ZHX2: variants seen among roughly 807,000 people sequenced by gnomAD.
ZHX2 encodes the protein zinc fingers and homeoboxes protein 2.
In ZHX2, 6 loss-of-function variants were observed where a neutral mutation model predicts 21.9. The ratio of observed to expected loss-of-function variants is 0.27; its 90% CI spans 0.15 to 0.54. The LOEUF (loss-of-function observed/expected upper bound fraction) is 0.54. ZHX2 is among the 20% of genes least tolerant of loss of function. The pLI, the probability that ZHX2 is intolerant of heterozygous loss-of-function variation, is 0.95. For missense variants in ZHX2, 908 were observed against 1,090.7 expected (o/e 0.83, Z 2.36); for synonymous variants, 434 against 437.1 (o/e 0.99, Z 0.09).
rs1200511614 is a variant in ZHX2, at chr8:122,852,887, T to C, written c.-282-10590T>C. ...AGCCCCGGGTGCATGTGTCCCCTCA[T>C]TCACTCTGTGTGGGCAAAGGAAAAT... On this transcript the variant is annotated intron_variant, in intron 1 of 3. Coordinates refer to ENST00000314393, the MANE Select transcript of ZHX2 (RefSeq NM_014943.5). 3.3e-5 allele frequency among the ~76,000 whole-genome samples: 5 copies of C among 152,156 alleles called. No individual in the cohort carries two copies. The East Asian group carries it at 9.6e-4, about 29-fold the overall frequency.
rs74563551 is a variant in ZHX2 at position 122,973,883 on chromosome 8, C to A, written c.*646C>A. The A allele has an allele frequency of 1.3e-5, 2 of 152,518 alleles. No homozygotes were observed. The highest frequency in any genetic ancestry group is 4.8e-5 in the African/African-American group (2 of 41,430). The allele number at this position is 152,518 out of a possible 1,614,324, so 9.4% of individuals were successfully genotyped here. ...CCTTTCCAGTTCTTCCCCTGGCTGC[C>A]TTTTTGGGGGTCCCTGCCTTAGCCC... On this transcript the variant is annotated 3_prime_UTR_variant, in exon 4 of 4. Coordinates refer to ENST00000314393, the MANE Select transcript of ZHX2 (RefSeq NM_014943.5).
intron 3 of ZHX2, among the ~76,000 whole-genome samples, chr8:122,957,564 T>G (rs1813340753): frequency 6.6e-6 from 1 of 152,042 alleles, no homozygotes; most frequent in Admixed American, 6.6e-5. Flanking sequence ...GCCTCCCAGG[T>G]TCAAGCGATT....
chr8:122,947,092 C>CAAAAAAAA (rs57090731), intron 2 of ZHX2, among the ~76,000 whole-genome samples: 7 of 67,280 alleles, frequency 1.0e-4, no homozygotes, highest in Non-Finnish European at 1.7e-4. Flanking sequence ...CCTGTCTTTG[C>CAAAAAAAA]AAAAAAAAAA....
At chr8:122,857,926 T>C (rs1013727285) in intron 1 of ZHX2, among the ~76,000 whole-genome samples, 9 of 152,352 alleles carry the variant, frequency 5.9e-5, no homozygotes, top group Non-Finnish European at 8.8e-5. Context: ...GTGAGCAATT[T>C]TGCAGATGAG....
intron 1 of ZHX2, among the ~76,000 whole-genome samples, chr8:122,794,417 A>C (rs1489565017): frequency 6.6e-6 from 1 of 152,148 alleles, no homozygotes; most frequent in Non-Finnish European, 1.5e-5. Flanking sequence ...TAACCGCCTA[A>C]AAACCTCTCC....
intron 1 of ZHX2, among the ~76,000 whole-genome samples, chr8:122,798,231 A>T (rs181667277): frequency 2.5e-4 from 38 of 152,252 alleles, no homozygotes; most frequent in African/African-American, 7.0e-4. Flanking sequence ...AGTGTTAGGG[A>T]TGCTGGACAC....
At chr8:122,943,900 C>T (rs190770886) in intron 2 of ZHX2, among the ~76,000 whole-genome samples, 144 of 152,346 alleles carry the variant, frequency 9.5e-4, no homozygotes, top group African/African-American at 3.3e-3. Flanking sequence ...AACTCCCTGG[C>T]GTGGCATTCC....
chr8:122,906,531 C>T (rs1473620133), intron 2 of ZHX2, among the ~76,000 whole-genome samples: 1 of 152,016 alleles, frequency 6.6e-6, no homozygotes, highest in Non-Finnish European at 1.5e-5. Context: ...AAATAAACTG[C>T]ATATGTAGGT....
intron 2 of ZHX2, among the ~76,000 whole-genome samples, chr8:122,908,497 A>G (rs1452287559): frequency 6.6e-6 from 1 of 152,204 alleles, no homozygotes. Flanking sequence ...GGCATGAGCC[A>G]CTGTGCCTGG....
intron 2 of ZHX2, among the ~76,000 whole-genome samples, chr8:122,940,771 T>A (rs1452846918): frequency 1.3e-5 from 2 of 152,188 alleles, no homozygotes; most frequent in African/African-American, 4.8e-5. Flanking sequence ...ATAGAATTGT[T>A]AACAATGAAC....
chr8:122,836,438 C>A (rs1428607585), intron 1 of ZHX2, among the ~76,000 whole-genome samples: 2 of 152,160 alleles, frequency 1.3e-5, no homozygotes, highest in African/African-American at 2.4e-5. Flanking sequence ...TGAGCCCCTC[C>A]CCGGTTTTGG....
At chr8:122,961,583 C>G (rs542151890) in intron 3 of ZHX2, among the ~76,000 whole-genome samples, 1 of 152,112 alleles carries the variant, frequency 6.6e-6, no homozygotes, top group African/African-American at 2.4e-5. Context: ...AGGAAACTTA[C>G]GATCATGGCG....
At position 122,871,728 on chromosome 8, in the gene ZHX2, C is replaced by CAAA. The variant is rs35881741; in HGVS notation, c.-220+8206_-220+8208dup. Reference sequence around the variant, plus strand: ...TAATAAATAAATTCCTTTCTCAGGGCAAAAAAAAAAAAAAAAAAACTATGT... The same window carrying CAAA: ...TAATAAATAAATTCCTTTCTCAGGGCAAAAAAAAAAAAAAAAAAAAAACTATGT... On this transcript the variant is annotated intron_variant, in intron 2 of 3. Coordinates refer to ENST00000314393, the MANE Select transcript of ZHX2 (RefSeq NM_014943.5). Among the ~76,000 whole-genome samples, 483 of 107,874 alleles carry CAAA rather than the reference C, an allele frequency of 4.5e-3. 16 individuals are homozygous for CAAA. The highest frequency in any genetic ancestry group is 0.027 in the South Asian group (85 of 3,138). 70.8% of individuals were successfully genotyped at this position (107,874 alleles called of 152,430 possible).
intron 2 of ZHX2, among the ~76,000 whole-genome samples, chr8:122,945,699 A>G (rs992142005): frequency 1.3e-5 from 2 of 152,180 alleles, no homozygotes; most frequent in South Asian, 4.1e-4. Context: ...GAGAGGGGCA[A>G]CACAGAGAAT....
At chr8:122,946,073 T>C (rs1008226735) in intron 2 of ZHX2, among the ~76,000 whole-genome samples, 1 of 152,222 alleles carries the variant, frequency 6.6e-6, no homozygotes, top group Non-Finnish European at 1.5e-5. Context: ...CACGCACCAC[T>C]CGCTATGGAA....
intron 2 of ZHX2, among the ~76,000 whole-genome samples, chr8:122,880,215 T>C (rs13275175): frequency 1 from 151,226 of 151,972 alleles, 75,241 homozygotes; most frequent in Middle Eastern, 1. Flanking sequence ...CTCAGGGGAT[T>C]CACCCGCCTC....
At chr8:122,913,071 A>G (rs1820518859) in intron 2 of ZHX2, among the ~76,000 whole-genome samples, 1 of 152,154 alleles carries the variant, frequency 6.6e-6, no homozygotes, top group Non-Finnish European at 1.5e-5. Flanking sequence ...GCTCTAGGCG[A>G]CCACTCATCT....
rs1817965544 is a variant in ZHX2, at chr8:122,813,170, T to G, written c.-283+31224T>G. Among the ~76,000 whole-genome samples, 3 of 142,182 alleles carry G rather than the reference T, an allele frequency of 2.1e-5. No homozygotes were observed. The South Asian group carries it at 6.5e-4, about 31-fold the overall frequency. The allele number at this position is 142,182 out of a possible 152,430, so 93.3% of individuals were successfully genotyped here. Reference sequence around the variant, plus strand: ...AAGATCACGCCACTGTACTCCAGCCTGGGCAACAAGAGTGAAACTCTGTCT... The same window carrying G: ...AAGATCACGCCACTGTACTCCAGCCGGGGCAACAAGAGTGAAACTCTGTCT... On this transcript the variant is annotated intron_variant, in intron 1 of 3. Coordinates refer to ENST00000314393, the MANE Select transcript of ZHX2 (RefSeq NM_014943.5).
chr8:122,890,286 C>T (rs938618851), intron 2 of ZHX2, among the ~76,000 whole-genome samples: 7 of 152,024 alleles, frequency 4.6e-5, no homozygotes, highest in Non-Finnish European at 1.5e-5. Context: ...GGATTTATTT[C>T]TGGGTTCTGT....
Sources: gnomAD v4.1 joint callset for allele counts (sites outside exome capture counted in the v4.1 genomes callset) on GRCh38, gnomAD v4.1.1 for gene constraint, MANE v1.5 for transcripts, NCBI Gene and HGNC (gene_info 2026-07-23, HGNC 2026-07-21) for gene names.